KIAA2012: variants seen among roughly 807,000 people sequenced by gnomAD.
The protein encoded by KIAA2012 is uncharacterized protein KIAA2012.
KIAA2012 carries 125 observed loss-of-function variants against 150.6 expected under a neutral mutation model. The observed-to-expected ratio is 0.83, with a 90% CI of 0.72 to 0.96. KIAA2012 has a LOEUF of 0.96. Ranked by LOEUF, KIAA2012 falls within the 40% of genes least tolerant of loss-of-function variation. The pLI, the probability that KIAA2012 is intolerant of heterozygous loss-of-function variation, is 0.00. For missense variants in KIAA2012, 1,219 were observed against 1,354.9 expected, an observed-to-expected ratio of 0.90 and a Z score of 1.57; for synonymous variants, 462 against 504.7, an observed-to-expected ratio of 0.92 and a Z score of 1.13.
At chr2:202,161,640 C>G (rs1300090919) in intron 14 of KIAA2012, among the ~76,000 whole-genome samples, 1 of 151,938 alleles carries the variant, frequency 6.6e-6, no homozygotes, top group African/African-American at 2.4e-5. Context: ...AACAACCTTC[C>G]CAGCCTAATT....
rs963080163 is a variant in KIAA2012 at position 202,105,642 on chromosome 2, G to A, written c.1325-119G>A. Reference sequence around the variant, plus strand: ...TAGCCCTCTCTGGAATCAGCAAATGGACACTGCTCCAACCAAACCACATGG... The same window carrying A: ...TAGCCCTCTCTGGAATCAGCAAATGAACACTGCTCCAACCAAACCACATGG... On this transcript the variant is annotated intron_variant, in intron 8 of 23. Transcript: ENST00000498697. 5 of 1,321,384 alleles carry A rather than the reference G, an allele frequency of 3.8e-6. No individual in the cohort carries two copies. In the Admixed American group the frequency reaches 7.8e-5, roughly 20 times the overall value. 81.9% of individuals were successfully genotyped at this position (1,321,384 alleles called of 1,614,324 possible). A position where few individuals can be genotyped will look rare whatever the true frequency, so the allele number is the denominator to read the frequency against.
intron 15 of KIAA2012, among the ~76,000 whole-genome samples, chr2:202,184,533 T>C (rs1387221786): frequency 2.0e-5 from 3 of 152,234 alleles, no homozygotes; most frequent in Non-Finnish European, 4.4e-5. Context: ...CATACTGTCA[T>C]ATCACTTTCC....
rs1490598673 is a variant in KIAA2012 at position 202,105,903 on chromosome 2, A to G, written c.1467A>G (p.Ser489=). The change falls in exon 9 of 24, where the codon TCA becomes TCG. Residue 489 remains serine (S), a synonymous_variant. Transcript: ENST00000498697. ...TGGACGCGAGCAGGGACACACTCTCACCTCAAGGTAGCTCCTCCCTCCCTC... is the reference window on the plus strand; with the variant it reads ...TGGACGCGAGCAGGGACACACTCTCGCCTCAAGGTAGCTCCTCCCTCCCTC... ...LPVDASRDTL[S]PQDDDAPPHD... is the part of the protein sequence containing the mutation. 6.4e-7 allele frequency: 1 copy of G among 1,550,812 alleles called. No homozygotes were observed. The highest frequency in any genetic ancestry group is 8.7e-7 in the Non-Finnish European group (1 of 1,147,056).
intron 2 of KIAA2012, among the ~76,000 whole-genome samples, chr2:202,088,024 A>G (rs1689617170): frequency 6.6e-6 from 1 of 152,108 alleles, no homozygotes; most frequent in Non-Finnish European, 1.5e-5. Flanking sequence ...TATAACAACT[A>G]TTTATACCGC....
chr2:202,163,262 C>A (rs1559225205), intron 14 of KIAA2012, among the ~76,000 whole-genome samples: 2 of 151,734 alleles, frequency 1.3e-5, no homozygotes, highest in Non-Finnish European at 2.9e-5. Flanking sequence ...TGCCACCACG[C>A]CTGGCTAATT....
At chr2:202,075,983 C>T (rs374869627) in intron 2 of KIAA2012, among the ~76,000 whole-genome samples, 5 of 152,370 alleles carry the variant, frequency 3.3e-5, no homozygotes, top group South Asian at 2.1e-4. Context: ...CCATCATGGA[C>T]GCCATAAGGC....
At chr2:202,109,911 C>CATCATCAGAA in intron 10 of KIAA2012, 122 bp downstream of exon 10, 1 of 839,852 alleles carries the variant, frequency 1.2e-6, no homozygotes, top group Non-Finnish European at 1.8e-6. Flanking sequence ...GGGTAATTGA[C>CATCATCAGAA]ACTGTTTCTG....
intron 23 of KIAA2012, among the ~76,000 whole-genome samples, chr2:202,203,225 G>GA (rs967879292): frequency 6.6e-6 from 1 of 152,126 alleles, no homozygotes; most frequent in Admixed American, 6.6e-5. Flanking sequence ...CAATGTATCT[G>GA]AAAGAGTTTA....
At chr2:202,079,082 A>C (rs1284825355) in intron 2 of KIAA2012, among the ~76,000 whole-genome samples, 1 of 152,230 alleles carries the variant, frequency 6.6e-6, no homozygotes, top group Non-Finnish European at 1.5e-5. Flanking sequence ...CTGTAATCCC[A>C]GCTACTCAGG....
intron 15 of KIAA2012, chr2:202,179,120 T>A: frequency 4.7e-6 from 2 of 422,714 alleles, no homozygotes; most frequent in Non-Finnish European, 4.4e-6. Flanking sequence ...CAGTTTTGTG[T>A]TTTGAGGTTG....
chr2:202,200,996 G>A (rs1260449195), intron 22 of KIAA2012, among the ~76,000 whole-genome samples: 3 of 152,144 alleles, frequency 2.0e-5, no homozygotes, highest in South Asian at 2.1e-4. Context: ...GTGAGCCACC[G>A]CGCCTGGCCG....
Position 202,088,211 on chromosome 2 carries a change from A to G in KIAA2012, c.370-2559A>G, listed in dbSNP as rs574925439. ...TGGAACCAATTCCCCACAGATAACG[A>G]GGGATGACTATTTGGGAAAGGGGAT... is the stretch of plus-strand genomic sequence containing the variant. On this transcript the variant is annotated intron_variant, in intron 2 of 23. Transcript: ENST00000498697. Among the ~76,000 whole-genome samples the G allele has an allele frequency of 2.6e-5, 4 of 152,232 alleles. No homozygotes were observed. The South Asian group carries it at 8.3e-4, about 32-fold the overall frequency.
Position 202,073,611 on chromosome 2 carries a change from G to C in KIAA2012, c.-17G>C. ...CCAAGATGGACTGCCCTTGAGAAGGGGTGGTCAGAGGGAAACATGTTCACG... is the reference window on the plus strand; with the variant it reads ...CCAAGATGGACTGCCCTTGAGAAGGCGTGGTCAGAGGGAAACATGTTCACG... On this transcript the variant is annotated 5_prime_UTR_variant, in exon 1 of 24. Coordinates refer to ENST00000498697, the MANE Select transcript of KIAA2012 (RefSeq NM_001277372.4). The C allele has an allele frequency of 6.5e-7, 1 of 1,549,548 alleles. No individual in the cohort carries two copies. Among genetic ancestry groups the C allele is most frequent in the Non-Finnish European group, 8.7e-7 (1 of 1,146,518 alleles).
chr2:202,093,566 T>C (rs903471773), intron 4 of KIAA2012, among the ~76,000 whole-genome samples: 2 of 152,250 alleles, frequency 1.3e-5, no homozygotes, highest in South Asian at 2.1e-4. Context: ...TTCTTAGATC[T>C]GTTCCACTCT....
At chr2:202,080,908 C>T (rs1484729393) in intron 2 of KIAA2012, among the ~76,000 whole-genome samples, 1 of 152,078 alleles carries the variant, frequency 6.6e-6, no homozygotes, top group Non-Finnish European at 1.5e-5. Context: ...TAAGTATATT[C>T]ACATCGTTGT....
At chr2:202,192,643 G>C (rs936257550) in intron 19 of KIAA2012, among the ~76,000 whole-genome samples, 1 of 152,040 alleles carries the variant, frequency 6.6e-6, no homozygotes, top group Admixed American at 6.6e-5. Flanking sequence ...TTTTAGTAGA[G>C]ATAGGGTGTC....
At chr2:202,160,280 T>C (rs1691620621) in intron 14 of KIAA2012, among the ~76,000 whole-genome samples, 1 of 151,276 alleles carries the variant, frequency 6.6e-6, no homozygotes, top group Admixed American at 6.6e-5. Flanking sequence ...TTTATCTTAA[T>C]AACACAAGAT....
intron 14 of KIAA2012, among the ~76,000 whole-genome samples, chr2:202,163,092 C>T (rs1691690869): frequency 1.4e-5 from 2 of 143,922 alleles, no homozygotes; most frequent in African/African-American, 5.1e-5. Flanking sequence ...GAAGTTATTT[C>T]ACATGTATAT....
Position 202,111,413 on chromosome 2 carries a change from G to A in KIAA2012, c.1651+1624G>A, listed in dbSNP as rs138901116. Among the ~76,000 whole-genome samples the A allele has an allele frequency of 8.1e-3, 1,215 of 149,432 alleles. 12 individuals carry two copies. Among genetic ancestry groups the A allele is most frequent in the African/African-American group, 0.027 (1,102 of 40,632 alleles). ...TGATTCCAGCTACTCAGGAGGCTGA[G>A]GCAGGAAAATCACTTGAACCTGGGA... On this transcript the variant is annotated intron_variant, in intron 10 of 23. Transcript: ENST00000498697.
Sources: allele counts gnomAD v4.1 joint callset (sites outside exome capture counted in the v4.1 genomes callset), GRCh38; gene constraint gnomAD v4.1.1; transcripts MANE v1.5; gene names NCBI Gene and HGNC (gene_info 2026-07-23, HGNC 2026-07-21).